ZMYND8: variants seen among roughly 807,000 people sequenced by gnomAD.
The protein encoded by ZMYND8 is MYND-type zinc finger-containing chromatin reader ZMYND8.
ZMYND8 carries 37 observed loss-of-function variants against 140.8 expected under a neutral mutation model. That is an observed-to-expected ratio of 0.26 (90% CI 0.20 to 0.35). ZMYND8 has a LOEUF of 0.35. ZMYND8 is among the 10% of genes least tolerant of loss of function. The pLI is 1.00. For synonymous variants in ZMYND8, 592 were observed against 597.1 expected (o/e 0.99, Z 0.12); for missense variants, 1,068 against 1,570.0 (o/e 0.68, Z 5.40).
At chr20:47,284,007 T>G (rs2076770949) in intron 8 of ZMYND8, among the ~76,000 whole-genome samples, 1 of 152,152 alleles carries the variant, frequency 6.6e-6, no homozygotes, top group African/African-American at 2.4e-5. Context: ...ATTGCAACTT[T>G]CGCTTCCTGC....
chr20:47,256,898 C>A (rs139041664), intron 12 of ZMYND8, among the ~76,000 whole-genome samples: 1 of 152,114 alleles, frequency 6.6e-6, no homozygotes, highest in Admixed American at 6.6e-5. Context: ...AGCATCAAGG[C>A]GCATTTCTGT....
chr20:47,349,940 T>C (rs2082635513), intron 1 of ZMYND8: 2 of 1,535,362 alleles, frequency 1.3e-6, no homozygotes, highest in Admixed American at 2.0e-5. Flanking sequence ...GAACCATTAT[T>C]TGGCTTGTAA....
Position 47,347,945 on chromosome 20 carries a change from T to C in ZMYND8, c.15-19A>G, listed in dbSNP as rs748662476. 1.2e-6 allele frequency: 2 copies of C among 1,613,140 alleles called. No individual in the cohort carries two copies. Among genetic ancestry groups the C allele is most frequent in the East Asian group, 2.2e-5 (1 of 44,902 alleles). ...AGCCAAGCTGAAACAGAGCAAATTA[T>C]GTTCATGTTTAGGAAGGCTGAGAAC... On this transcript the variant is annotated intron_variant, in intron 1 of 22. Transcript: ENST00000471951.
intron 21 of ZMYND8, among the ~76,000 whole-genome samples, chr20:47,215,616 C>T (rs1285915989): frequency 2.0e-5 from 3 of 151,968 alleles, no homozygotes; most frequent in Admixed American, 6.5e-5. Context: ...TCAAGTAACC[C>T]CCCTGACTCA....
intron 16 of ZMYND8, among the ~76,000 whole-genome samples, chr20:47,232,862 A>C (rs1436908607): frequency 6.6e-6 from 1 of 151,648 alleles, no homozygotes; most frequent in Non-Finnish European, 1.5e-5. Flanking sequence ...TATGCCTTTA[A>C]CACTTTCATG....
At chr20:47,356,460 A>T in intron 1 of ZMYND8, 197 bp downstream of exon 1, 1 of 1,557,442 alleles carries the variant, frequency 6.4e-7, no homozygotes, top group Non-Finnish European at 8.6e-7. Flanking sequence ...CAGTTTGCAA[A>T]ATCAAGCTAT....
At chr20:47,276,209 CCCA>C in intron 11 of ZMYND8, 102 bp downstream of exon 11, 1 of 1,397,844 alleles carries the variant, frequency 7.2e-7, no homozygotes, top group South Asian at 1.9e-5. Flanking sequence ...CCTACAGTTC[CCCA>C]CGATTGCTTG....
At position 47,212,715 on chromosome 20, in the gene ZMYND8, C is replaced by A. The variant is rs1324539239; in HGVS notation, c.3495G>T (p.Arg1165Ser). The stretch of plus-strand genomic sequence containing the variant: ...GGGCATAGGCAGGTTGCTTGTCACA[C>A]CTTTTGCTAACTGAAGAGATAGCAC... The part of the protein sequence containing the change: ...LGSNQGSVSK[R>S]CDKQPAYAPT... Residue 1165 changes from arginine (R) to serine (S), a missense_variant, in exon 22 of 23, where the codon AGG (arginine) becomes AGT (serine). Around this residue, in one of 10 missense-constraint regions of ZMYND8, gnomAD observed 180 missense variants for 187.8 expected, o/e 0.96. Coordinates refer to ENST00000471951, the MANE Select transcript of ZMYND8 (RefSeq NM_001281775.3). The A allele has an allele frequency of 6.2e-7, 1 of 1,611,770 alleles. No homozygotes were observed. The highest frequency in any genetic ancestry group is 1.7e-5 in the Admixed American group (1 of 59,814).
rs71183240 is a variant in ZMYND8 at position 47,290,583 on chromosome 20, GTTTTTTTTTTT to G, written c.661-320_661-310del. On this transcript the variant is annotated intron_variant, in intron 6 of 22. Coordinates refer to ENST00000471951, the MANE Select transcript of ZMYND8 (RefSeq NM_001281775.3). ...ATAAACAGGATAGTTTATTTATTTA[GTTTTTTTTTTT>G]TTTTTTTTTTTTTGGAGGTGGAGTT... is the stretch of plus-strand genomic sequence containing the variant. 1.6e-4 allele frequency among the ~76,000 whole-genome samples: 10 copies of G among 64,090 alleles called. 1 individual carries two copies. The highest frequency in any genetic ancestry group is 5.0e-4 in the East Asian group (1 of 2,012). 42.0% of individuals were successfully genotyped at this position (64,090 alleles called of 152,430 possible).
chr20:47,309,845 G>A (rs1029846846), intron 3 of ZMYND8, among the ~76,000 whole-genome samples: 2 of 151,768 alleles, frequency 1.3e-5, no homozygotes, highest in African/African-American at 4.8e-5. Flanking sequence ...CTGGGTCCCT[G>A]CTCTGTCCCC....
At chr20:47,252,599 CAA>C (rs576362495) in intron 12 of ZMYND8, among the ~76,000 whole-genome samples, 160 of 152,256 alleles carry the variant, frequency 1.1e-3, no homozygotes, top group African/African-American at 3.6e-3. Flanking sequence ...AAAAAATTTA[CAA>C]AAGAGACCAA....
At chr20:47,227,302 G>T in intron 17 of ZMYND8, 21 bp from the exon 18 acceptor site, 1 of 1,613,174 alleles carries the variant, frequency 6.2e-7, no homozygotes, top group South Asian at 1.1e-5. Flanking sequence ...GAGAGTGAGC[G>T]TCTTCAAAAG....
intron 13 of ZMYND8, among the ~76,000 whole-genome samples, chr20:47,246,724 G>A (rs2040606816): frequency 6.6e-6 from 1 of 152,190 alleles, no homozygotes; most frequent in African/African-American, 2.4e-5. Flanking sequence ...GAGGGTTTTG[G>A]TTGTTAGGAG....
At position 47,287,327 on chromosome 20, in the gene ZMYND8, G is replaced by T. The variant is rs777233685; in HGVS notation, c.749-43C>A. The T allele has an allele frequency of 2.0e-6, 3 of 1,505,558 alleles. No individual in the cohort carries two copies. The African/African-American group carries it at 4.1e-5, about 21-fold the overall frequency. 93.3% of individuals were successfully genotyped at this position (1,505,558 alleles called of 1,614,324 possible). On this transcript the variant is annotated intron_variant, in intron 7 of 22. Coordinates refer to ENST00000471951, the MANE Select transcript of ZMYND8 (RefSeq NM_001281775.3). Reference sequence around the variant, plus strand: ...CAGGATTAATTCTAATGGAAATACCGCAACACCGGGCCTGGGGACTTTACT... The same window carrying T: ...CAGGATTAATTCTAATGGAAATACCTCAACACCGGGCCTGGGGACTTTACT...
At chr20:47,291,978 A>T in intron 5 of ZMYND8, 90 bp from the exon 6 acceptor site, 1 of 1,138,012 alleles carries the variant, frequency 8.8e-7, no homozygotes, top group Non-Finnish European at 1.2e-6. Flanking sequence ...AAAAATTGAG[A>T]CAACTTTTCA....
At chr20:47,216,632 A>C (rs1412920677) in intron 21 of ZMYND8, among the ~76,000 whole-genome samples, 1 of 150,914 alleles carries the variant, frequency 6.6e-6, no homozygotes, top group African/African-American at 2.4e-5. Context: ...ACATGGTGAA[A>C]CCCCATCTCT....
chr20:47,319,047 C>T (rs781356150), intron 2 of ZMYND8: 19 of 1,349,214 alleles, frequency 1.4e-5, no homozygotes, highest in Middle Eastern at 2.1e-4. Flanking sequence ...GCTTCCGGAT[C>T]CTCAGCGGCC....
intron 5 of ZMYND8, 45 bp from the exon 6 acceptor site, chr20:47,291,933 T>C (rs778285534): frequency 6.5e-7 from 1 of 1,533,228 alleles, no homozygotes; most frequent in Admixed American, 1.9e-5. Context: ...ATCATTACTA[T>C]GGAAAACCAA....
chr20:47,229,887 T>C (rs548587576), intron 16 of ZMYND8, 81 bp from the exon 17 acceptor site: 1 of 1,303,634 alleles, frequency 7.7e-7, no homozygotes, highest in Non-Finnish European at 1.1e-6. Context: ...AATCTATCTG[T>C]ATAAAGCAGA....
Sources: gnomAD v4.1 joint callset for allele counts (sites outside exome capture counted in the v4.1 genomes callset) on GRCh38, gnomAD v4.1.1 for gene constraint, gnomAD v4.1.1 regional missense constraint, MANE v1.5 for transcripts, NCBI Gene and HGNC (gene_info 2026-07-23, HGNC 2026-07-21) for gene names.